ESYT3: variants seen among roughly 807,000 people sequenced by gnomAD.
The protein encoded by ESYT3 is extended synaptotagmin 3.
In ESYT3, 101 loss-of-function variants were observed where a neutral mutation model predicts 111.5. The ratio of observed to expected loss-of-function variants is 0.91; its 90% CI spans 0.77 to 1.07. ESYT3 has a LOEUF of 1.07. Among genes scored for constraint, ESYT3 ranks in the 50% least tolerant of loss-of-function variants. The probability of loss-of-function intolerance (pLI) is 0.00; values close to 1 mark genes in which losing one functional copy is unlikely to be tolerated. For missense variants in ESYT3, 1,097 were observed against 1,109.4 expected, an observed-to-expected ratio of 0.99 and a Z score of 0.16; for synonymous variants, 416 against 446.8, an observed-to-expected ratio of 0.93 and a Z score of 0.87.
intron 14 of ESYT3, 47 bp downstream of exon 14, chr3:138,468,928 T>C (rs1413464873): frequency 6.3e-7 from 1 of 1,590,234 alleles, no homozygotes; most frequent in East Asian, 2.2e-5. Flanking sequence ...AAATCACAGC[T>C]TCTCTCCCCA....
In ESYT3 at chr3:138,435,230, G is replaced by A. The variant is rs1264702930; in HGVS notation, c.327+105G>A. 3 of 1,184,028 alleles carry A rather than the reference G, an allele frequency of 2.5e-6. No individual in the cohort carries two copies. Among genetic ancestry groups the A allele is most frequent in the Non-Finnish European group, 3.5e-6 (3 of 865,736 alleles). The allele number at this position is 1,184,028 out of a possible 1,614,324, so 73.3% of individuals were successfully genotyped here. A position where few individuals can be genotyped will look rare whatever the true frequency, so the allele number is the denominator to read the frequency against. ...GTGCGCGCAAACCCGAGGCAGGGCG[G>A]GAGCCCGGCGACCTGCACACCCCGT... On this transcript the variant is annotated intron_variant, in intron 1 of 22. Transcript: ENST00000389567. This position sits in a 1 kb window ranked among gnomAD's most constrained non-coding sequence, Gnocchi z 4.8.
chr3:138,445,825 C>T (rs1235834448), intron 1 of ESYT3, among the ~76,000 whole-genome samples: 1 of 152,144 alleles, frequency 6.6e-6, no homozygotes, highest in Admixed American at 6.5e-5. Context: ...CAGTATTGTA[C>T]CCATCTCGCA....
At chr3:138,468,267 G>C in intron 12 of ESYT3, 73 bp downstream of exon 12, 1 of 1,413,050 alleles carries the variant, frequency 7.1e-7, no homozygotes, top group Non-Finnish European at 1.0e-6. Flanking sequence ...TGCAGGTGGA[G>C]GAAGGGTGGG....
intron 16 of ESYT3, 81 bp downstream of exon 16, chr3:138,470,227 A>G: frequency 6.6e-7 from 1 of 1,522,114 alleles, no homozygotes; most frequent in Non-Finnish European, 8.9e-7. Flanking sequence ...GTGCACCTTG[A>G]GCAGGTTCTC....
chr3:138,468,823 AC>A lies in ESYT3; in HGVS notation c.1379del (p.Pro460LeufsTer5). On this transcript the variant is annotated frameshift_variant, in exon 14 of 23. Transcript: ENST00000389567. LOFTEE classifies it high-confidence loss of function. ...FLESACNLPRNPFDYLNGEYR... is the reference protein window; with the variant it reads ...FLESACNLPRXPFDYLNGEYR... ...CCCGTTATTCCTGTGCTGCAGAGAA[AC>A]CCTTTTGACTACCTGAATGGTGAAT... The A allele has an allele frequency of 6.2e-7, 1 of 1,613,960 alleles. No homozygotes were observed. The highest frequency in any genetic ancestry group is 2.2e-5 in the East Asian group (1 of 44,856).
chr3:138,451,603 C>G (rs539864914), intron 1 of ESYT3, among the ~76,000 whole-genome samples: 3 of 152,170 alleles, frequency 2.0e-5, no homozygotes, highest in Non-Finnish European at 2.9e-5. Flanking sequence ...GATTTACTTG[C>G]GTGTGCAAAC....
Position 138,460,601 on chromosome 3 carries a change from G to GC in ESYT3, c.739-6dup, listed in dbSNP as rs760233310. The GC allele has an allele frequency of 6.2e-7, 1 of 1,613,820 alleles. No individual in the cohort carries two copies. The highest frequency in any genetic ancestry group is 8.5e-7 in the Non-Finnish European group (1 of 1,179,866). On this transcript the variant is annotated splice_polypyrimidine_tract_variant and intron_variant, in intron 6 of 22. Transcript: ENST00000389567. ...CTTTCCAGCCTAATAGCTTCCCTCTGCCCCTGAAGCACCTACAGATCAACT... is the reference window on the plus strand; with the variant it reads ...CTTTCCAGCCTAATAGCTTCCCTCTGCCCCCTGAAGCACCTACAGATCAACT...
Position 138,464,392 on chromosome 3 carries a change from G to A in ESYT3, c.963G>A (p.Lys321=), listed in dbSNP as rs199793277. The A allele has an allele frequency of 6.8e-6, 11 of 1,614,200 alleles. No individual in the cohort carries two copies. The Admixed American group carries it at 1.7e-4, about 24-fold the overall frequency. The part of the protein sequence containing the change: ...HLLEAEQLAQ[K]DNFLGLRGKS... Reference sequence around the variant, plus strand: ...TGGAGGCAGAGCAGCTGGCCCAGAAGGACAACTTTCTGGGGCTCCGAGGCA... The same window carrying A: ...TGGAGGCAGAGCAGCTGGCCCAGAAAGACAACTTTCTGGGGCTCCGAGGCA... The change falls in exon 9 of 23, where the codon AAG becomes AAA. Residue 321 remains lysine, a synonymous_variant. Transcript: ENST00000389567.
rs1336810853 is a variant in ESYT3 at position 138,477,641 on chromosome 3, C to G, written c.*787C>G. ...GGAGACTGCTGAAGAGTGTCACCAT[C>G]AGAGAAAAGGAAGCTTTCAGATAAG... On this transcript the variant is annotated 3_prime_UTR_variant, in exon 23 of 23. Coordinates refer to ENST00000389567, the MANE Select transcript of ESYT3 (RefSeq NM_031913.5). 1 of 152,208 alleles carries G rather than the reference C, an allele frequency of 6.6e-6. No individual in the cohort carries two copies. The highest frequency in any genetic ancestry group is 2.4e-5 in the African/African-American group (1 of 41,438). The allele number at this position is 152,208 out of a possible 1,614,324, so 9.4% of individuals were successfully genotyped here. A position where few individuals can be genotyped will look rare whatever the true frequency, so the allele number is the denominator to read the frequency against.
rs998775300 is a variant in ESYT3 at position 138,440,584 on chromosome 3, G to C, written c.327+5459G>C. ...GTTGGGTGCTGCTTGGAATTAGGGAGACTTCTTACCCTTGAGGTCCCTGCA... is the reference window on the plus strand; with the variant it reads ...GTTGGGTGCTGCTTGGAATTAGGGACACTTCTTACCCTTGAGGTCCCTGCA... On this transcript the variant is annotated intron_variant, in intron 1 of 22. Coordinates refer to ENST00000389567, the MANE Select transcript of ESYT3 (RefSeq NM_031913.5). This position sits in a 1 kb window ranked among gnomAD's most constrained non-coding sequence, Gnocchi z 4.2. Among the ~76,000 whole-genome samples, 14 of 152,340 alleles carry C rather than the reference G, an allele frequency of 9.2e-5. No individual in the cohort carries two copies. Among genetic ancestry groups the C allele is most frequent in the African/African-American group, 2.9e-4 (12 of 41,574 alleles).
At chr3:138,446,569 A>G (rs2031555452) in intron 1 of ESYT3, among the ~76,000 whole-genome samples, 1 of 152,186 alleles carries the variant, frequency 6.6e-6, no homozygotes, top group Non-Finnish European at 1.5e-5. Context: ...TCAAAGACAA[A>G]GAAGGTTGTT....
intron 18 of ESYT3, 171 bp from the exon 19 acceptor site, chr3:138,473,365 A>G: frequency 1.5e-6 from 1 of 657,266 alleles, no homozygotes; most frequent in Non-Finnish European, 2.5e-6. Context: ...TAGGATAATT[A>G]TACATGAATG....
chr3:138,463,699 T>G (rs1168097129), intron 8 of ESYT3, among the ~76,000 whole-genome samples: 1 of 152,212 alleles, frequency 6.6e-6, no homozygotes, highest in Non-Finnish European at 1.5e-5. Flanking sequence ...TTTACTAATG[T>G]TAAAAAAATT....
Position 138,468,770 on chromosome 3 carries a change from C to T in ESYT3, c.1372-49C>T, listed in dbSNP as rs1290206007. 6 of 1,613,766 alleles carry T rather than the reference C, an allele frequency of 3.7e-6. No homozygotes were observed. The African/African-American group carries it at 8.0e-5, about 22-fold the overall frequency. On this transcript the variant is annotated intron_variant, in intron 13 of 22. Transcript: ENST00000389567. ...CACAAACGCAACAAAGTGCCCATCA[C>T]TTTCAAATTGTCCTGTGTTGCTTTA...
chr3:138,451,176 C>T (rs1385091071), intron 1 of ESYT3, among the ~76,000 whole-genome samples: 1 of 152,236 alleles, frequency 6.6e-6, no homozygotes, highest in Admixed American at 6.5e-5. Flanking sequence ...ACTCACCTTC[C>T]ACTGTTCCCC....
At chr3:138,467,373 G>A (rs772351953) in intron 10 of ESYT3, among the ~76,000 whole-genome samples, 188 bp from the exon 11 acceptor site, 7 of 152,140 alleles carry the variant, frequency 4.6e-5, no homozygotes, top group Non-Finnish European at 1.0e-4. Context: ...AGTGGGAGCA[G>A]CCCTGATGGT....
intron 2 of ESYT3, 130 bp downstream of exon 2, chr3:138,452,219 T>A: frequency 1.3e-6 from 1 of 783,916 alleles, no homozygotes; most frequent in South Asian, 1.7e-5. Flanking sequence ...GGATGCTCCC[T>A]TTCCCTCTTC....
chr3:138,455,912 C>T lies in ESYT3; in HGVS notation c.504+584C>T, dbSNP rs370567928. On this transcript the variant is annotated intron_variant, in intron 3 of 22. Transcript: ENST00000389567. The stretch of plus-strand genomic sequence containing the variant: ...TTCCTGTTTCAGCCTTGGTGCCCTA[C>T]GCCTCCTGCCTCGAAGTGCCCCTAG... Among the ~76,000 whole-genome samples the T allele has an allele frequency of 1.4e-3, 209 of 152,328 alleles. 4 individuals are homozygous for T. The South Asian group carries it at 0.042, about 31-fold the overall frequency.
chr3:138,449,471 A>G (rs2031786229), intron 1 of ESYT3, among the ~76,000 whole-genome samples: 1 of 152,124 alleles, frequency 6.6e-6, no homozygotes, highest in South Asian at 2.1e-4. Context: ...ACTGAACTCC[A>G]ACATCATACC....
Sources: allele counts gnomAD v4.1 joint callset (sites outside exome capture counted in the v4.1 genomes callset), GRCh38; gene constraint gnomAD v4.1.1; non-coding constraint Gnocchi (gnomAD v3.1); transcripts MANE v1.5; gene names NCBI Gene and HGNC (gene_info 2026-07-23, HGNC 2026-07-21).